The following TRPM7 variants were observed in gnomAD, a reference collection of about 807,000 sequenced individuals.
TRPM7 encodes the protein LTRPC ion channel family member 7.
In TRPM7, 134 loss-of-function variants were observed where a neutral mutation model predicts 229.7. That is an observed-to-expected ratio of 0.58 (90% CI 0.51 to 0.67). TRPM7 has a LOEUF of 0.67. Among genes scored for constraint, TRPM7 ranks in the 30% least tolerant of loss-of-function variants. TRPM7 has a pLI of 0.00. For missense variants in TRPM7, 1,901 were observed against 2,210.0 expected (o/e 0.86, Z 2.80); for synonymous variants, 699 against 715.2 (o/e 0.98, Z 0.36).
chr15:50,611,939 A>T (rs1018546233), intron 16 of TRPM7, among the ~76,000 whole-genome samples: 2 of 152,212 alleles, frequency 1.3e-5, no homozygotes, highest in African/African-American at 2.4e-5. Flanking sequence ...TACTCTGTGT[A>T]TGTAGTTCTA....
chr15:50,564,547 GTT>G (rs1223559923), intron 38 of TRPM7, among the ~76,000 whole-genome samples: 2 of 151,730 alleles, frequency 1.3e-5, no homozygotes, highest in African/African-American at 4.8e-5. Flanking sequence ...ATATATGTAT[GTT>G]TTTATTTTTT....
intron 36 of TRPM7, among the ~76,000 whole-genome samples, chr15:50,571,826 G>A (rs1030048071): frequency 2.6e-5 from 4 of 152,188 alleles, no homozygotes; most frequent in Admixed American, 1.3e-4. Context: ...TGAAGATACC[G>A]TGAACATTGT....
chr15:50,648,557 T>C (rs1183594115), intron 4 of TRPM7, 130 bp downstream of exon 4: 2 of 641,972 alleles, frequency 3.1e-6, no homozygotes, highest in Middle Eastern at 3.8e-4. Flanking sequence ...TATATTTGTA[T>C]GCACCTTTGT....
Position 50,612,836 on chromosome 15 carries a change from G to A in TRPM7, c.1771-7C>T, listed in dbSNP as rs773566377. The A allele has an allele frequency of 1.1e-5, 17 of 1,603,850 alleles. No homozygotes were observed. The African/African-American group carries it at 2.0e-4, about 19-fold the overall frequency. On this transcript the variant is annotated splice_region_variant and splice_polypyrimidine_tract_variant and intron_variant, in intron 15 of 38. Coordinates refer to ENST00000646667, the MANE Select transcript of TRPM7 (RefSeq NM_017672.6). ...CTTCCATAACTGTATCAATCTTCCA[G>A]GGAAAATAAAGTTATAAAGCTCATT...
chr15:50,571,695 TA>T (rs1047089440), intron 36 of TRPM7, among the ~76,000 whole-genome samples: 9 of 151,282 alleles, frequency 5.9e-5, no homozygotes, highest in Non-Finnish European at 1.0e-4. Context: ...AGTAGAGAAA[TA>T]AAAAAGATGG....
chr15:50,607,434 G>T, intron 19 of TRPM7, 106 bp from the exon 20 acceptor site: 1 of 907,706 alleles, frequency 1.1e-6, no homozygotes. Flanking sequence ...ATGAACCTCT[G>T]TAAATTATCT....
At chr15:50,575,358 A>AT (rs2054082027) in intron 33 of TRPM7, among the ~76,000 whole-genome samples, 1 of 151,980 alleles carries the variant, frequency 6.6e-6, no homozygotes, top group African/African-American at 2.4e-5. Context: ...AAATTCTGGC[A>AT]TTTTAGAGAA....
chr15:50,558,053 G>T lies in TRPM7; in HGVS notation c.*3625C>A, dbSNP rs1372981877. The T allele has an allele frequency of 6.6e-6, 1 of 152,206 alleles. No homozygotes were observed. The highest frequency in any genetic ancestry group is 2.4e-5 in the African/African-American group (1 of 41,454). The allele number at this position is 152,206 out of a possible 1,614,324, so 9.4% of individuals were successfully genotyped here. On this transcript the variant is annotated 3_prime_UTR_variant, in exon 39 of 39. Coordinates refer to ENST00000646667, the MANE Select transcript of TRPM7 (RefSeq NM_017672.6). ...AAGCAAATGACACTTTCACATCATA[G>T]GGTAGTAATAATGAACTTTAATAAT...
At chr15:50,604,141 A>C (rs615835) in intron 21 of TRPM7, 3 of 152,226 alleles carry the variant, frequency 2.0e-5, no homozygotes, top group Non-Finnish European at 4.4e-5. Flanking sequence ...CAGTGTATAA[A>C]AAAATTACAC....
At chr15:50,606,139 G>A (rs915039678) in intron 20 of TRPM7, among the ~76,000 whole-genome samples, 8 of 152,136 alleles carry the variant, frequency 5.3e-5, no homozygotes, top group South Asian at 2.1e-4. Context: ...CTAGCACTTC[G>A]GGAGACAAAG....
At chr15:50,600,010 T>TTTTGACATAA (rs2059733322) in intron 21 of TRPM7, among the ~76,000 whole-genome samples, 1 of 152,224 alleles carries the variant, frequency 6.6e-6, no homozygotes, top group Non-Finnish European at 1.5e-5. Flanking sequence ...ACAATGTACA[T>TTTTGACATAA]TTTGACATAA....
intron 3 of TRPM7, among the ~76,000 whole-genome samples, chr15:50,656,356 G>A (rs920186484): frequency 1.3e-5 from 2 of 152,026 alleles, no homozygotes; most frequent in African/African-American, 4.8e-5. Context: ...CAGGAGTGCA[G>A]TGGTGTGATC....
chr15:50,561,982 C>T (rs2141417896), intron 38 of TRPM7, among the ~76,000 whole-genome samples, 174 bp from the exon 39 acceptor site: 1 of 152,244 alleles, frequency 6.6e-6, no homozygotes, highest in Non-Finnish European at 1.5e-5. Flanking sequence ...GCAACCTCCA[C>T]CTCCCGGGTT....
chr15:50,644,335 A>G (rs1312232522), intron 4 of TRPM7, among the ~76,000 whole-genome samples: 2 of 152,248 alleles, frequency 1.3e-5, no homozygotes, highest in South Asian at 4.1e-4. Flanking sequence ...TACTCACATT[A>G]ATTCATTCTC....
At chr15:50,678,579 C>T (rs1417760535) in intron 1 of TRPM7, among the ~76,000 whole-genome samples, 2 of 149,932 alleles carry the variant, frequency 1.3e-5, no homozygotes, top group Non-Finnish European at 3.0e-5. Flanking sequence ...TATTATGTCA[C>T]AGAGTTCCAC....
At chr15:50,645,090 A>G (rs1349310000) in intron 4 of TRPM7, among the ~76,000 whole-genome samples, 1 of 152,124 alleles carries the variant, frequency 6.6e-6, no homozygotes, top group Admixed American at 6.5e-5. Flanking sequence ...TTTTTTGTAG[A>G]CACAAGGTTT....
chr15:50,571,861 T>C (rs1216001674), intron 36 of TRPM7, among the ~76,000 whole-genome samples: 2 of 152,246 alleles, frequency 1.3e-5, no homozygotes, highest in African/African-American at 4.8e-5. Context: ...ATTTAGAATA[T>C]ACATAAACTT....
At chr15:50,644,601 G>A (rs751801457) in intron 4 of TRPM7, among the ~76,000 whole-genome samples, 2 of 152,034 alleles carry the variant, frequency 1.3e-5, no homozygotes, top group African/African-American at 2.4e-5. Context: ...TCAAGCGTTC[G>A]AGGCCAGCCT....
chr15:50,594,458 C>T lies in TRPM7; in HGVS notation c.3446G>A (p.Arg1149Lys). The T allele has an allele frequency of 6.2e-7, 1 of 1,611,538 alleles. No individual in the cohort carries two copies. The highest frequency in any genetic ancestry group is 8.5e-7 in the Non-Finnish European group (1 of 1,179,294). Residue 1149 changes from arginine (R) to lysine (K), a missense_variant, in exon 24 of 39, where the codon AGA (arginine) becomes AAA (lysine). This residue lies in a region of TRPM7 where 533 missense variants were observed against 497.1 expected (regional missense o/e 1.07). Transcript: ENST00000646667. ...VSLFCCICKR[R>K]KKDKTSDGPK... is the part of the protein sequence containing the mutation. Reference sequence around the variant, plus strand: ...TCCATCGGAAGTCTTATCTTTCTTTCTTCTCTTACATATGCAGCAAAACAG... The same window carrying T: ...TCCATCGGAAGTCTTATCTTTCTTTTTTCTCTTACATATGCAGCAAAACAG...
Sources: gnomAD v4.1 joint callset for allele counts (sites outside exome capture counted in the v4.1 genomes callset) on GRCh38, gnomAD v4.1.1 for gene constraint, gnomAD v4.1.1 regional missense constraint, MANE v1.5 for transcripts, NCBI Gene and HGNC (gene_info 2026-07-23, HGNC 2026-07-21) for gene names.